The following NBEA variants were observed in gnomAD, a reference collection of about 807,000 sequenced individuals.
The protein encoded by NBEA is neurobeachin, also known as lysosomal-trafficking regulator 2.
Under a neutral mutation model 343.4 loss-of-function variants are expected in NBEA, and 44 were observed. The observed-to-expected ratio is 0.13, with a 90% CI of 0.10 to 0.16. The LOEUF (loss-of-function observed/expected upper bound fraction) is 0.16. Ranked by LOEUF, NBEA falls within the 10% of genes least tolerant of loss-of-function variation. The pLI is 1.00. For synonymous variants in NBEA, 1,175 were observed against 1,238.7 expected, an observed-to-expected ratio of 0.95 and a Z score of 1.08; for missense variants, 2,555 against 3,631.3, an observed-to-expected ratio of 0.70 and a Z score of 7.62.
intron 41 of NBEA, among the ~76,000 whole-genome samples, chr13:35,491,528 A>G (rs118073403): frequency 0.01 from 1,539 of 151,906 alleles, 11 homozygotes; most frequent in Non-Finnish European, 0.016. Context: ...GGCCAACAAC[A>G]TGGCTGTCAT....
At chr13:35,658,153 T>A (rs2084908203) in intron 55 of NBEA, among the ~76,000 whole-genome samples, 1 of 152,130 alleles carries the variant, frequency 6.6e-6, no homozygotes, top group Non-Finnish European at 1.5e-5. Flanking sequence ...AATATGGATA[T>A]TATATTTGTT....
chr13:35,466,472 A>G (rs1409718566), intron 40 of NBEA, among the ~76,000 whole-genome samples: 1 of 152,188 alleles, frequency 6.6e-6, no homozygotes, highest in African/African-American at 2.4e-5. Flanking sequence ...TTATTCAAGC[A>G]AAAACATCCT....
chr13:35,646,429 A>C (rs1174732489), intron 51 of NBEA, 81 bp downstream of exon 51: 1 of 1,029,994 alleles, frequency 9.7e-7, no homozygotes, highest in African/African-American at 1.6e-5. Context: ...TGATTTTAAC[A>C]GCATATTTTA....
chr13:35,387,714 T>C (rs1023900391), intron 38 of NBEA, among the ~76,000 whole-genome samples: 21 of 152,020 alleles, frequency 1.4e-4, no homozygotes, highest in Non-Finnish European at 2.4e-4. Context: ...GAAGTTCCTG[T>C]TGTATAATTA....
intron 1 of NBEA, among the ~76,000 whole-genome samples, chr13:34,963,075 T>C (rs1244706401): frequency 6.6e-6 from 1 of 152,058 alleles, no homozygotes; most frequent in East Asian, 1.9e-4. Context: ...TTCAGGTGTT[T>C]GATTTTCTAG....
intron 35 of NBEA, among the ~76,000 whole-genome samples, chr13:35,302,086 G>A (rs767566603): frequency 2.6e-5 from 4 of 152,146 alleles, no homozygotes; most frequent in South Asian, 2.1e-4. Flanking sequence ...AAACTGTAAC[G>A]CATGCCAACC....
At chr13:35,181,744 T>G (rs960362561) in intron 28 of NBEA, among the ~76,000 whole-genome samples, 8 of 152,014 alleles carry the variant, frequency 5.3e-5, no homozygotes, top group African/African-American at 1.9e-4. Context: ...TAAGCCAATG[T>G]CTAGAAGGGT....
intron 30 of NBEA, among the ~76,000 whole-genome samples, chr13:35,188,865 C>G (rs1375825224): frequency 6.7e-6 from 1 of 149,464 alleles, no homozygotes; most frequent in Admixed American, 6.7e-5. Flanking sequence ...CAAGGGTTCC[C>G]TTTTCTTCAC....
At chr13:35,222,843 A>T (rs1181968895) in intron 33 of NBEA, among the ~76,000 whole-genome samples, 1 of 152,202 alleles carries the variant, frequency 6.6e-6, no homozygotes, top group Non-Finnish European at 1.5e-5. Context: ...ACGAAGAAAC[A>T]GTAGGCCGGG....
chr13:35,591,761 A>G (rs933909261), intron 46 of NBEA, among the ~76,000 whole-genome samples: 16 of 152,080 alleles, frequency 1.1e-4, no homozygotes, highest in Admixed American at 8.5e-4. Context: ...AGGGAGTTTA[A>G]GGGGGCAAAG....
intron 17 of NBEA, among the ~76,000 whole-genome samples, chr13:35,129,727 A>G (rs1363274996): frequency 6.6e-6 from 1 of 152,126 alleles, no homozygotes; most frequent in East Asian, 1.9e-4. Flanking sequence ...AAAGTTTTAC[A>G]AAATTGATGA....
At chr13:35,588,131 A>C (rs960935116) in intron 46 of NBEA, among the ~76,000 whole-genome samples, 5 of 152,268 alleles carry the variant, frequency 3.3e-5, no homozygotes, top group African/African-American at 1.2e-4. Flanking sequence ...TTTTATATTT[A>C]CAGTGCATCT....
At position 35,323,144 on chromosome 13, in the gene NBEA, C is replaced by T. The variant is rs529239085; in HGVS notation, c.5903+13552C>T. Among the ~76,000 whole-genome samples, 3 of 152,276 alleles carry T rather than the reference C, an allele frequency of 2.0e-5. No individual in the cohort carries two copies. In the South Asian group the frequency reaches 6.2e-4, roughly 32 times the overall value. On this transcript the variant is annotated intron_variant, in intron 36 of 58. Coordinates refer to ENST00000379939, the MANE Select transcript of NBEA (RefSeq NM_001385012.1). The stretch of plus-strand genomic sequence containing the variant: ...GGATTACACGCATAAGCCACCATGC[C>T]CAGCCTAAATCACATTTTTAACCAT...
At chr13:35,356,881 CATT>C (rs1282914749) in intron 38 of NBEA, among the ~76,000 whole-genome samples, 5 of 152,100 alleles carry the variant, frequency 3.3e-5, no homozygotes, top group Non-Finnish European at 4.4e-5. Context: ...AGTGTTTCCT[CATT>C]AGAGTGGATT....
chr13:35,063,037 C>G (rs1215092375), intron 8 of NBEA, among the ~76,000 whole-genome samples: 1 of 151,878 alleles, frequency 6.6e-6, no homozygotes, highest in African/African-American at 2.4e-5. Context: ...AAATATGTAT[C>G]CAGTATTTCA....
intron 36 of NBEA, among the ~76,000 whole-genome samples, chr13:35,346,934 C>T (rs2039912786): frequency 6.6e-6 from 1 of 152,024 alleles, no homozygotes; most frequent in Admixed American, 6.6e-5. Context: ...GAACCATTCA[C>T]CTGTCGGTTT....
rs192648621 is a variant in NBEA at position 35,194,440 on chromosome 13, G to T, written c.4928-1424G>T. On this transcript the variant is annotated intron_variant, in intron 30 of 58. Coordinates refer to ENST00000379939, the MANE Select transcript of NBEA (RefSeq NM_001385012.1). ...AAGCAAATAATAACAAAATCTAAGA[G>T]AAGTTATATAGAATTTACTGATTTT... 3.6e-4 allele frequency among the ~76,000 whole-genome samples: 54 copies of T among 152,112 alleles called. 1 individual carries two copies. The East Asian group carries it at 8.5e-3, about 24-fold the overall frequency.
At chr13:35,379,902 T>TGTAA (rs1566051937) in intron 38 of NBEA, among the ~76,000 whole-genome samples, 1 of 152,188 alleles carries the variant, frequency 6.6e-6, no homozygotes, top group Non-Finnish European at 1.5e-5. Flanking sequence ...TACCTGGTAG[T>TGTAA]GTAAGCCCTT....
intron 45 of NBEA, among the ~76,000 whole-genome samples, chr13:35,573,254 C>T (rs2080532992): frequency 6.6e-6 from 1 of 152,182 alleles, no homozygotes; most frequent in Admixed American, 6.5e-5. Flanking sequence ...TATTCATTCA[C>T]TCATTCTTTC....
Sources: gnomAD v4.1 joint callset for allele counts (sites outside exome capture counted in the v4.1 genomes callset) on GRCh38, gnomAD v4.1.1 for gene constraint, MANE v1.5 for transcripts, NCBI Gene and HGNC (gene_info 2026-07-23, HGNC 2026-07-21) for gene names.